LAMC2: variants seen among roughly 807,000 people sequenced by gnomAD.
LAMC2 encodes laminin subunit gamma-2.
A neutral mutation model predicts 140.2 loss-of-function variants in LAMC2; 97 were observed. The observed-to-expected ratio is 0.69, with a 90% CI of 0.59 to 0.82. The LOEUF (loss-of-function observed/expected upper bound fraction) is 0.82. Ranked by LOEUF, LAMC2 falls within the 40% of genes least tolerant of loss-of-function variation. LAMC2 has a pLI of 0.00. For missense variants in LAMC2, 1,402 were observed against 1,476.1 expected (o/e 0.95, Z 0.82); for synonymous variants, 513 against 540.2 (o/e 0.95, Z 0.70).
At chr1:183,238,741 G>A (rs760417271) in intron 19 of LAMC2, among the ~76,000 whole-genome samples, 1 of 152,098 alleles carries the variant, frequency 6.6e-6, no homozygotes, top group South Asian at 2.1e-4. Flanking sequence ...GTTAAACTAT[G>A]TGTTCTCTAA....
intron 4 of LAMC2, among the ~76,000 whole-genome samples, chr1:183,218,992 G>A (rs1659375891): frequency 6.6e-6 from 1 of 152,244 alleles, no homozygotes; most frequent in African/African-American, 2.4e-5. Context: ...GAATGGGCAT[G>A]GGGCTGGGAG....
chr1:183,220,723 G>A (rs1659440300), intron 4 of LAMC2, 102 bp from the exon 5 acceptor site: 6 of 1,228,606 alleles, frequency 4.9e-6, no homozygotes, highest in Non-Finnish European at 7.0e-6. Context: ...AATTAATAGG[G>A]CCAAATGGAA....
At chr1:183,241,672 G>A (rs1660138494) in intron 22 of LAMC2, among the ~76,000 whole-genome samples, 1 of 152,036 alleles carries the variant, frequency 6.6e-6, no homozygotes, top group African/African-American at 2.4e-5. Context: ...TCTGTAGGGT[G>A]TCATCATCAC....
At chr1:183,247,711 C>T (rs1660267938), downstream of LAMC2, among the ~76,000 whole-genome samples, 1 of 152,168 alleles carries the variant, frequency 6.6e-6, no homozygotes, top group African/African-American at 2.4e-5. Flanking sequence ...ACCATTCACA[C>T]CTAACCCAAT....
intron 11 of LAMC2, 107 bp from the exon 12 acceptor site, chr1:183,230,854 A>G (rs1258176629): frequency 1.5e-6 from 2 of 1,308,536 alleles, no homozygotes; most frequent in East Asian, 2.3e-5. Context: ...GGAGGTATAA[A>G]AGGATTCTCT....
At chr1:183,219,092 A>C (rs1182313869) in intron 4 of LAMC2, among the ~76,000 whole-genome samples, 1 of 152,198 alleles carries the variant, frequency 6.6e-6, no homozygotes, top group Non-Finnish European at 1.5e-5. Context: ...GACGTGCCTT[A>C]AGTACAACTG....
intron 3 of LAMC2, among the ~76,000 whole-genome samples, chr1:183,216,946 C>T (rs957189827): frequency 1.3e-5 from 2 of 152,134 alleles, no homozygotes; most frequent in Non-Finnish European, 2.9e-5. Flanking sequence ...TTAGCATCCC[C>T]GGTTCTGAGC....
rs1203611809 is a variant in LAMC2 at position 183,231,109 on chromosome 1, C to G, written c.1857+6C>G. 1 of 1,614,068 alleles carries G rather than the reference C, an allele frequency of 6.2e-7. No homozygotes were observed. The highest frequency in any genetic ancestry group is 2.2e-5 in the East Asian group (1 of 44,886). Reference sequence around the variant, plus strand: ...ATAATCAAGTGAAGATTCAGGTATGCATTCTTCCCCTTACCACCCCCAACC... The same window carrying G: ...ATAATCAAGTGAAGATTCAGGTATGGATTCTTCCCCTTACCACCCCCAACC... On this transcript the variant is annotated splice_donor_region_variant and intron_variant, in intron 12 of 22. Transcript: ENST00000264144.
At chr1:183,253,294 TA>T in the LAMC2 span, among the ~76,000 whole-genome samples, 1 of 148,026 alleles carries the variant, frequency 6.8e-6, no homozygotes, top group Non-Finnish European at 1.5e-5. Flanking sequence ...ATAATAGTGT[TA>T]ATATTATATT....
chr1:183,186,549 G>A (rs1658158132), intron 1 of LAMC2, 118 bp downstream of exon 1: 1 of 1,165,804 alleles, frequency 8.6e-7, no homozygotes, highest in Non-Finnish European at 1.2e-6. Context: ...AAACTTGTTA[G>A]AGCTCCCTTC....
intron 5 of LAMC2, among the ~76,000 whole-genome samples, chr1:183,221,739 C>T (rs1463592012): frequency 6.7e-6 from 1 of 149,032 alleles, no homozygotes; most frequent in Non-Finnish European, 1.5e-5. Flanking sequence ...AAAAAAAAAA[C>T]AAATGAAAAA....
chr1:183,254,891 C>T, the LAMC2 span, among the ~76,000 whole-genome samples: 1,744 of 152,168 alleles, frequency 0.011, 42 homozygotes, highest in African/African-American at 0.039. Context: ...TTGGTTGTTT[C>T]CTTTGCTGTA....
At chr1:183,209,955 G>T (rs762427573) in intron 2 of LAMC2, among the ~76,000 whole-genome samples, 13 of 152,164 alleles carry the variant, frequency 8.5e-5, no homozygotes, top group Non-Finnish European at 1.9e-4. Flanking sequence ...GGCAGGAAGT[G>T]GTGGAGCCCA....
intron 1 of LAMC2, among the ~76,000 whole-genome samples, chr1:183,188,789 G>A (rs547905): frequency 0.57 from 86,883 of 152,062 alleles, 25,613 homozygotes; most frequent in East Asian, 0.73. Context: ...TGTGGCCCCA[G>A]TGGTCTGGAT....
intron 7 of LAMC2, among the ~76,000 whole-genome samples, chr1:183,223,729 TGAA>T (rs1250910556): frequency 6.6e-6 from 1 of 152,110 alleles, no homozygotes; most frequent in African/African-American, 2.4e-5. Flanking sequence ...ATGCAATGCT[TGAA>T]GAAGGTTTGT....
intron 22 of LAMC2, chr1:183,240,869 A>T (rs2102254508): frequency 5.2e-6 from 1 of 193,548 alleles, no homozygotes; most frequent in Non-Finnish European, 9.9e-6. Context: ...ATAATTGAAG[A>T]GAGAAATGAC....
intron 1 of LAMC2, among the ~76,000 whole-genome samples, chr1:183,188,705 T>C (rs796296289): frequency 1.2e-4 from 18 of 152,340 alleles, no homozygotes; most frequent in African/African-American, 3.6e-4. Flanking sequence ...GTGTAGTGAA[T>C]TCATTTGCCC....
intron 1 of LAMC2, among the ~76,000 whole-genome samples, chr1:183,206,058 G>T (rs776598847): frequency 5.3e-5 from 8 of 152,158 alleles, no homozygotes; most frequent in Non-Finnish European, 8.8e-5. Context: ...AAAGATGAGG[G>T]CTTTGGAGTC....
rs1243337983 is a variant in LAMC2 at position 183,228,330 on chromosome 1, C to T, written c.1469-44C>T. The T allele has an allele frequency of 3.7e-6, 6 of 1,614,026 alleles. No individual in the cohort carries two copies. Among genetic ancestry groups the T allele is most frequent in the Non-Finnish European group, 5.1e-6 (6 of 1,179,974 alleles). ...TTAGGCCTCTGCGTCTGGTCTTCCTCCTGATGGATGTCGACCTAGGCTTGG... is the reference window on the plus strand; with the variant it reads ...TTAGGCCTCTGCGTCTGGTCTTCCTTCTGATGGATGTCGACCTAGGCTTGG... On this transcript the variant is annotated intron_variant, in intron 10 of 22. Transcript: ENST00000264144. The surrounding 1 kb of genome is among the most constrained non-coding windows in gnomAD (Gnocchi z 4.3).
Sources: allele counts gnomAD v4.1 joint callset (sites outside exome capture counted in the v4.1 genomes callset), GRCh38; gene constraint gnomAD v4.1.1; non-coding constraint Gnocchi (gnomAD v3.1); transcripts MANE v1.5; gene names NCBI Gene and HGNC (gene_info 2026-07-23, HGNC 2026-07-21).